SLF1: variants seen among roughly 807,000 people sequenced by gnomAD.
The protein encoded by SLF1 is SMC5/6 complex localization factor 1.
In SLF1, 105 loss-of-function variants were observed where a neutral mutation model predicts 123.0. The observed-to-expected ratio is 0.85, with a 90% CI of 0.73 to 1.00. SLF1 has a LOEUF of 1.00. Among genes scored for constraint, SLF1 ranks in the 50% least tolerant of loss-of-function variants. The pLI is 0.00. For missense variants in SLF1, 1,239 were observed against 1,223.0 expected, an observed-to-expected ratio of 1.01 and a Z score of -0.20; for synonymous variants, 434 against 406.6, an observed-to-expected ratio of 1.07 and a Z score of -0.81.
In SLF1 at chr5:94,695,042, T is replaced by A. The variant is rs1753429977; in HGVS notation, c.2907T>A (p.Ile969=). ...GGATGTTGCTAAATTTTTGTTCAAT[T>A]TTTGATTTATCTTCAGAGTTCATTT... ...LSRMLLNFCS[I]FDLSSEFILA... The change falls in exon 21 of 21, where the codon ATT becomes ATA. Residue 969 remains isoleucine (I), a synonymous_variant. Transcript: ENST00000265140. 1 of 1,612,278 alleles carries A rather than the reference T, an allele frequency of 6.2e-7. No individual in the cohort carries two copies. The highest frequency in any genetic ancestry group is 8.5e-7 in the Non-Finnish European group (1 of 1,179,116).
Position 94,653,802 on chromosome 5 carries a change from G to A in SLF1, c.1032+381G>A, listed in dbSNP as rs538750363. Among the ~76,000 whole-genome samples the A allele has an allele frequency of 1.6e-4, 24 of 151,348 alleles. No homozygotes were observed. In the Middle Eastern group the frequency reaches 0.014, roughly 87 times the overall value. ...TAGTACAGACCATTTTTAATGAGAT[G>A]TCTTGTTTTTAAAATTGAATGCTTC... On this transcript the variant is annotated intron_variant, in intron 8 of 20. Transcript: ENST00000265140.
chr5:94,663,023 AAT>A (rs1407541750), intron 10 of SLF1, among the ~76,000 whole-genome samples: 1 of 152,172 alleles, frequency 6.6e-6, no homozygotes, highest in African/African-American at 2.4e-5. Flanking sequence ...ACTTTTTGCA[AAT>A]ATTGCTTGTG....
At chr5:94,631,734 A>G (rs948322700) in intron 4 of SLF1, among the ~76,000 whole-genome samples, 1 of 152,170 alleles carries the variant, frequency 6.6e-6, no homozygotes, top group Non-Finnish European at 1.5e-5. Context: ...ATTCATGCAG[A>G]CATGTTTTCA....
Position 94,670,215 on chromosome 5 carries a change from C to T in SLF1, c.1597C>T (p.His533Tyr). 3 of 1,523,392 alleles carry T rather than the reference C, an allele frequency of 2.0e-6. No homozygotes were observed. The highest frequency in any genetic ancestry group is 2.6e-6 in the Non-Finnish European group (3 of 1,137,018). The allele number at this position is 1,523,392 out of a possible 1,614,324, so 94.4% of individuals were successfully genotyped here. Reference sequence around the variant, plus strand: ...AGAAAATATTGGCTCCAAGGTGCTCCACCTGACGCTACTCAAATTTTTCTT... The same window carrying T: ...AGAAAATATTGGCTCCAAGGTGCTCTACCTGACGCTACTCAAATTTTTCTT... ...ISENIGSKVL[H>Y]LTLLKFFFNL... is the part of the protein sequence containing the mutation. The change falls in exon 13 of 21, where the codon CAC becomes TAC. Residue 533 changes from histidine (H) to tyrosine (Y), a missense_variant. Physicochemically the swap from His to Tyr is moderately conservative, Grantham distance 83. Coordinates refer to ENST00000265140, the MANE Select transcript of SLF1 (RefSeq NM_032290.4).
chr5:94,646,099 A>T (rs551129427), intron 5 of SLF1, among the ~76,000 whole-genome samples: 40 of 152,294 alleles, frequency 2.6e-4, no homozygotes, highest in African/African-American at 9.1e-4. Context: ...AAAAATTTTT[A>T]AAATTTGCTG....
At chr5:94,674,414 G>T (rs1750814860) in intron 14 of SLF1, among the ~76,000 whole-genome samples, 1 of 152,146 alleles carries the variant, frequency 6.6e-6, no homozygotes, top group Admixed American at 6.5e-5. Context: ...ATGAGAACTG[G>T]TTTTAAATTT....
chr5:94,664,172 C>T (rs150315057), intron 11 of SLF1, among the ~76,000 whole-genome samples: 74 of 152,132 alleles, frequency 4.9e-4, no homozygotes, highest in East Asian at 2.9e-3. Flanking sequence ...ATTTTTCTCA[C>T]GGCAGTAAAG....
intron 20 of SLF1, among the ~76,000 whole-genome samples, chr5:94,694,138 A>G (rs892129557): frequency 1.3e-5 from 2 of 151,944 alleles, no homozygotes; most frequent in Non-Finnish European, 2.9e-5. Flanking sequence ...ATACTTTGCT[A>G]TGTAACCAAA....
intron 1 of SLF1, among the ~76,000 whole-genome samples, chr5:94,621,478 A>G (rs1057350226): frequency 6.6e-6 from 1 of 152,194 alleles, no homozygotes; most frequent in Non-Finnish European, 1.5e-5. Context: ...TGCTTGTTCA[A>G]CCTTAGACGT....
At position 94,688,530 on chromosome 5, in the gene SLF1, G is replaced by C. The variant is rs76370969; in HGVS notation, c.2146G>C (p.Gly716Arg). 0.011 allele frequency: 17,566 copies of C among 1,613,866 alleles called. 120 individuals carry two copies. The highest frequency in any genetic ancestry group is 0.013 in the Non-Finnish European group (15,198 of 1,179,876). Residue 716 changes from glycine to arginine, a missense_variant, in exon 17 of 21, where the codon GGG becomes CGG. By Grantham distance (125) the Gly-to-Arg change is moderately radical. Coordinates refer to ENST00000265140, the MANE Select transcript of SLF1 (RefSeq NM_032290.4). ...KMVYSYLPAL[G>R]KTGVLGSGKI... Reference sequence around the variant, plus strand: ...GGTATATTCCTATTTACCAGCCTTGGGGAAAACTGGTGTGCTTGGGTCTGG... The same window carrying C: ...GGTATATTCCTATTTACCAGCCTTGCGGAAAACTGGTGTGCTTGGGTCTGG...
chr5:94,659,887 C>T (rs972275397), intron 9 of SLF1, among the ~76,000 whole-genome samples: 3 of 151,972 alleles, frequency 2.0e-5, no homozygotes, highest in African/African-American at 7.3e-5. Context: ...GCATGGCATT[C>T]GTGATGGCAG....
At chr5:94,669,629 C>T (rs905895515) in intron 12 of SLF1, among the ~76,000 whole-genome samples, 13 of 151,952 alleles carry the variant, frequency 8.6e-5, no homozygotes, top group African/African-American at 2.7e-4. Flanking sequence ...ACATATACAT[C>T]ATCACAGAAA....
chr5:94,663,958 A>C, intron 11 of SLF1, 50 bp downstream of exon 11: 1 of 1,426,928 alleles, frequency 7.0e-7, no homozygotes, highest in Non-Finnish European at 9.3e-7. Context: ...GAATGTTAAA[A>C]TGTGAACATT....
intron 13 of SLF1, 89 bp downstream of exon 13, chr5:94,670,368 C>G: frequency 9.8e-7 from 1 of 1,017,304 alleles, no homozygotes; most frequent in Non-Finnish European, 1.3e-6. Context: ...AAATATATTT[C>G]TAAAAAGTCA....
intron 1 of SLF1, among the ~76,000 whole-genome samples, chr5:94,627,307 C>G (rs1434349457): frequency 1.3e-5 from 2 of 151,834 alleles, no homozygotes; most frequent in Non-Finnish European, 2.9e-5. Context: ...AAAAATTGCC[C>G]TAATTTCTCT....
chr5:94,668,403 G>A (rs1252242207), intron 12 of SLF1, among the ~76,000 whole-genome samples: 1 of 151,480 alleles, frequency 6.6e-6, no homozygotes, highest in Admixed American at 6.6e-5. Context: ...GTGCGATCTC[G>A]GCTCACTGCA....
chr5:94,630,865 C>T, intron 4 of SLF1, 122 bp downstream of exon 4: 1 of 1,068,220 alleles, frequency 9.4e-7, no homozygotes, highest in Non-Finnish European at 1.3e-6. Context: ...TTACTCCAAT[C>T]TCCTAGGTAA....
At position 94,630,571 on chromosome 5, in the gene SLF1, A is replaced by C; in HGVS notation, c.259A>C (p.Thr87Pro). 1 of 1,551,682 alleles carries C rather than the reference A, an allele frequency of 6.4e-7. No individual in the cohort carries two copies. Among genetic ancestry groups the C allele is most frequent in the Non-Finnish European group, 8.7e-7 (1 of 1,146,972 alleles). Reference protein sequence around the residue: ...AKSGRWLDETTYEWGYKIEKD... With the variant: ...AKSGRWLDETPYEWGYKIEKD... ...AAGTGGCAGATGGCTTGATGAAACA[A>C]CTTATGAATGGGGATATAAAATTGA... Residue 87 changes from threonine (T) to proline (P), a missense_variant, in exon 4 of 21, where the codon ACT (threonine) becomes CCT (proline). Physicochemically the swap from Thr to Pro is conservative, Grantham distance 38. Coordinates refer to ENST00000265140, the MANE Select transcript of SLF1 (RefSeq NM_032290.4).
chr5:94,695,567 G>T lies in SLF1; in HGVS notation c.*255G>T, dbSNP rs939828000. On this transcript the variant is annotated 3_prime_UTR_variant, in exon 21 of 21. Transcript: ENST00000265140. ...TTTAGTATATTCTACTTTCATTAAT[G>T]TTTTTTTGTTCTGAAAGTGATATTA... The T allele has an allele frequency of 3.6e-5, 8 of 224,818 alleles. No individual in the cohort carries two copies. Among genetic ancestry groups the T allele is most frequent in the Non-Finnish European group, 6.9e-5 (8 of 116,302 alleles). 13.9% of individuals were successfully genotyped at this position (224,818 alleles called of 1,614,324 possible).
Sources: gnomAD v4.1 joint callset for allele counts (sites outside exome capture counted in the v4.1 genomes callset) on GRCh38, gnomAD v4.1.1 for gene constraint, MANE v1.5 for transcripts, NCBI Gene and HGNC (gene_info 2026-07-23, HGNC 2026-07-21) for gene names.